Variants in SLC30A7 observed in about 807,000 individuals in gnomAD.
SLC30A7 encodes solute carrier family 30 member 7.
Under a neutral mutation model 46.0 loss-of-function variants are expected in SLC30A7, and 35 were observed. The observed-to-expected ratio is 0.76, with a 90% CI of 0.58 to 1.01. The LOEUF (loss-of-function observed/expected upper bound fraction) is 1.01. Ranked by LOEUF, SLC30A7 falls within the 50% of genes least tolerant of loss-of-function variation. SLC30A7 has a pLI of 0.00. For synonymous variants in SLC30A7, 147 were observed against 157.8 expected (o/e 0.93, Z 0.51); for missense variants, 464 against 451.1 (o/e 1.03, Z -0.26).
chr1:100,972,100 C>T (rs964277710), intron 10 of SLC30A7, among the ~76,000 whole-genome samples: 2 of 152,144 alleles, frequency 1.3e-5, no homozygotes, highest in African/African-American at 4.8e-5. Flanking sequence ...GTCAGCCAGC[C>T]TCTGGCTCCT....
At position 100,976,474 on chromosome 1, in the gene SLC30A7, A is replaced by G. The variant is rs1656516181; in HGVS notation, c.*1617A>G. ...TTCTAGGTTCTTACGTATTTGAAAA[A>G]TAAAATTGCAATTCGAGATAAGTGC... On this transcript the variant is annotated 3_prime_UTR_variant, in exon 11 of 11. Coordinates refer to ENST00000357650, the MANE Select transcript of SLC30A7 (RefSeq NM_133496.5). 1 of 152,240 alleles carries G rather than the reference A, an allele frequency of 6.6e-6. No individual in the cohort carries two copies. The highest frequency in any genetic ancestry group is 1.9e-4 in the East Asian group (1 of 5,196). 9.4% of individuals were successfully genotyped at this position (152,240 alleles called of 1,614,324 possible).
At chr1:100,988,917 T>C in the SLC30A7 span, among the ~76,000 whole-genome samples, 1 of 152,074 alleles carries the variant, frequency 6.6e-6, no homozygotes, top group East Asian at 1.9e-4. Flanking sequence ...TATATAAATA[T>C]TTCTTATCTC....
At chr1:100,963,385 G>T (rs972415186) in intron 9 of SLC30A7, among the ~76,000 whole-genome samples, 2 of 152,102 alleles carry the variant, frequency 1.3e-5, no homozygotes, top group East Asian at 3.9e-4. Context: ...GGGTCAAGGA[G>T]GGTAAAAACA....
chr1:100,909,458 A>AT (rs1365303774), intron 3 of SLC30A7, among the ~76,000 whole-genome samples: 1 of 152,178 alleles, frequency 6.6e-6, no homozygotes, highest in Admixed American at 6.5e-5. Context: ...ATATGTACCT[A>AT]TACTTAAATC....
chr1:100,916,651 T>G (rs1020888134), intron 6 of SLC30A7, among the ~76,000 whole-genome samples: 4 of 152,076 alleles, frequency 2.6e-5, no homozygotes, highest in African/African-American at 9.7e-5. Flanking sequence ...ACAATTAATA[T>G]TGACTGTAGT....
chr1:100,925,857 G>C (rs890883815), intron 8 of SLC30A7, among the ~76,000 whole-genome samples: 1 of 152,132 alleles, frequency 6.6e-6, no homozygotes, highest in Non-Finnish European at 1.5e-5. Context: ...GAACAGAAAG[G>C]GTTGAAAATA....
rs1360968029 is a variant in SLC30A7 at position 100,923,577 on chromosome 1, A to G, written c.842+1736A>G. ...AGGATTGTTTGAGGCCAGGAGTATA[A>G]GACCAGCCTGGGCAACATGGTGAAA... On this transcript the variant is annotated intron_variant, in intron 8 of 10. Transcript: ENST00000357650. Among the ~76,000 whole-genome samples the G allele has an allele frequency of 2.0e-5, 3 of 152,172 alleles. No individual in the cohort carries two copies. The East Asian group carries it at 5.8e-4, about 29-fold the overall frequency.
At chr1:100,983,310 AAC>A (rs1402451136), downstream of SLC30A7, among the ~76,000 whole-genome samples, 1 of 151,930 alleles carries the variant, frequency 6.6e-6, no homozygotes, top group Non-Finnish European at 1.5e-5. Flanking sequence ...AAAAAAAAGA[AAC>A]AGCATTTTAA....
At chr1:100,959,953 A>G (rs1570584507) in intron 8 of SLC30A7, among the ~76,000 whole-genome samples, 1 of 152,198 alleles carries the variant, frequency 6.6e-6, no homozygotes, top group East Asian at 1.9e-4. Context: ...GCATAGTACA[A>G]TGAAGGGGAA....
chr1:100,897,012 T>C (rs1247121077), intron 2 of SLC30A7, among the ~76,000 whole-genome samples: 1 of 151,950 alleles, frequency 6.6e-6, no homozygotes, highest in Non-Finnish European at 1.5e-5. Context: ...GAGAAACTTG[T>C]TTGCTGCCTC....
intron 8 of SLC30A7, among the ~76,000 whole-genome samples, chr1:100,954,043 A>G (rs947734325): frequency 6.6e-5 from 10 of 152,224 alleles, no homozygotes; most frequent in African/African-American, 2.2e-4. Context: ...GTCACGTCAA[A>G]CAAGGGCTGG....
At chr1:100,945,664 G>A (rs1297450085) in intron 8 of SLC30A7, among the ~76,000 whole-genome samples, 2 of 152,142 alleles carry the variant, frequency 1.3e-5, no homozygotes, top group Non-Finnish European at 2.9e-5. Context: ...TTTGGTACCA[G>A]TAGCATGCTA....
downstream of SLC30A7, among the ~76,000 whole-genome samples, chr1:100,983,165 TAAATC>T (rs908206194): frequency 7.9e-5 from 12 of 152,082 alleles, no homozygotes; most frequent in African/African-American, 2.4e-4. Context: ...ATTCCCTCCT[TAAATC>T]AAACCCTTGA....
the SLC30A7 span, chr1:100,990,411 A>T: frequency 6.2e-6 from 10 of 1,613,462 alleles, no homozygotes; most frequent in Non-Finnish European, 8.5e-6. Context: ...TCTATGTTCA[A>T]AGTCCATTGA....
At chr1:100,905,913 A>G (rs1054321880) in intron 2 of SLC30A7, among the ~76,000 whole-genome samples, 2 of 152,174 alleles carry the variant, frequency 1.3e-5, no homozygotes, top group East Asian at 3.8e-4. Context: ...GCTCTTAACA[A>G]TGAGTCTCTC....
At chr1:100,941,149 A>T (rs906714798) in intron 8 of SLC30A7, 1 of 345,152 alleles carries the variant, frequency 2.9e-6, no homozygotes, top group Non-Finnish European at 5.6e-6. Context: ...TCCTTCCTTC[A>T]TGGGTTCAGA....
At chr1:100,994,875 A>G in the SLC30A7 span, among the ~76,000 whole-genome samples, 1 of 152,326 alleles carries the variant, frequency 6.6e-6, no homozygotes, top group East Asian at 1.9e-4. Context: ...TTCCACAAAC[A>G]CTGAGTGTCT....
intron 8 of SLC30A7, among the ~76,000 whole-genome samples, chr1:100,959,380 C>G (rs916069735): frequency 4.6e-5 from 7 of 152,170 alleles, no homozygotes; most frequent in African/African-American, 1.7e-4. Context: ...CTTATACGTT[C>G]TGTGGTTTAG....
At chr1:100,970,396 C>T (rs1283473699) in intron 10 of SLC30A7, among the ~76,000 whole-genome samples, 1 of 151,954 alleles carries the variant, frequency 6.6e-6, no homozygotes, top group African/African-American at 2.4e-5. Flanking sequence ...TAGGCAATAT[C>T]CTTTTTAATT....
Sources: gnomAD v4.1 joint callset for allele counts (sites outside exome capture counted in the v4.1 genomes callset) on GRCh38, gnomAD v4.1.1 for gene constraint, MANE v1.5 for transcripts, NCBI Gene and HGNC (gene_info 2026-07-23, HGNC 2026-07-21) for gene names.